CSMD3: variants seen among roughly 807,000 people sequenced by gnomAD.
CSMD3 encodes CUB and Sushi multiple domains 3, also known as CUB and sushi domain-containing protein 3.
In CSMD3, 177 loss-of-function variants were observed where a neutral mutation model predicts 435.2. The observed-to-expected ratio is 0.41, with a 90% CI of 0.36 to 0.46. The LOEUF (loss-of-function observed/expected upper bound fraction) is 0.46, where lower values mean the gene tolerates loss of function less well. Among genes scored for constraint, CSMD3 ranks in the 20% least tolerant of loss-of-function variants. CSMD3 has a pLI of 0.34. For synonymous variants in CSMD3, 1,656 were observed against 1,520.5 expected (o/e 1.09, Z -2.07); for missense variants, 4,265 against 4,504.6 (o/e 0.95, Z 1.52).
chr8:112,676,365 G>C (rs2075769708), intron 16 of CSMD3, among the ~76,000 whole-genome samples: 1 of 152,088 alleles, frequency 6.6e-6, no homozygotes, highest in Non-Finnish European at 1.5e-5. Flanking sequence ...AGATCACAGA[G>C]AGGAGGAGAA....
intron 10 of CSMD3, among the ~76,000 whole-genome samples, chr8:112,892,524 A>G (rs2081826794): frequency 6.6e-6 from 1 of 151,614 alleles, no homozygotes; most frequent in East Asian, 2.0e-4. Flanking sequence ...AAAAGGAAGA[A>G]TACAGGTAGT....
intron 4 of CSMD3, among the ~76,000 whole-genome samples, chr8:113,116,929 T>C (rs577206440): frequency 6.6e-6 from 1 of 152,184 alleles, no homozygotes. Context: ...AGAGAGATGA[T>C]TTAAGGTATC....
At chr8:113,397,006 T>A (rs960810674) in intron 1 of CSMD3, among the ~76,000 whole-genome samples, 3 of 152,134 alleles carry the variant, frequency 2.0e-5, no homozygotes, top group African/African-American at 7.2e-5. Flanking sequence ...TTGAAATATT[T>A]TGAAAGAATA....
At chr8:112,555,452 A>T (rs762072960) in intron 25 of CSMD3, among the ~76,000 whole-genome samples, 7 of 152,008 alleles carry the variant, frequency 4.6e-5, no homozygotes, top group Non-Finnish European at 1.0e-4. Context: ...AGAATTAGTC[A>T]GTGGTACATT....
intron 59 of CSMD3, among the ~76,000 whole-genome samples, chr8:112,270,697 T>C (rs933093060): frequency 1.3e-5 from 2 of 152,126 alleles, no homozygotes; most frequent in Non-Finnish European, 2.9e-5. Flanking sequence ...ACTTTGTTTT[T>C]AAAGGTTTTT....
rs1159795453 is a variant in CSMD3 at position 112,281,162 on chromosome 8, G to A, written c.9508+12C>T. Reference sequence around the variant, plus strand: ...ATAATTACTGATTTTTAAATATTGAGAATATACTTACTTGTACAGTTAGGT... The same window carrying A: ...ATAATTACTGATTTTTAAATATTGAAAATATACTTACTTGTACAGTTAGGT... On this transcript the variant is annotated intron_variant, in intron 59 of 70. Coordinates refer to ENST00000297405, the MANE Select transcript of CSMD3 (RefSeq NM_198123.2). 1.3e-6 allele frequency: 2 copies of A among 1,585,624 alleles called. No individual in the cohort carries two copies. The highest frequency in any genetic ancestry group is 8.7e-7 in the Non-Finnish European group (1 of 1,154,702).
intron 61 of CSMD3, among the ~76,000 whole-genome samples, chr8:112,258,606 T>C (rs1357612402): frequency 1.3e-5 from 2 of 152,050 alleles, no homozygotes; most frequent in Admixed American, 6.6e-5. Context: ...AGAATGGTGA[T>C]CATTAAAAAG....
chr8:112,887,780 C>T (rs367906824), intron 10 of CSMD3, among the ~76,000 whole-genome samples: 6 of 150,456 alleles, frequency 4.0e-5, no homozygotes, highest in Admixed American at 6.7e-5. Flanking sequence ...TTAGGATTGT[C>T]GTAAATTTTT....
Position 112,341,591 on chromosome 8 carries a change from G to A in CSMD3, c.6538C>T (p.Arg2180Trp), listed in dbSNP as rs747470179. ...GSSETSTVIGRLSGPQIPSSL... is the reference protein window; with the variant it reads ...GSSETSTVIGWLSGPQIPSSL... ...GATGGTATTTGAGGACCACTAAGCC[G>A]GCCAATAACAGTACTAGTTTCTGAG... Residue 2180 changes from arginine (R) to tryptophan (W), a missense_variant, in exon 42 of 71, where the codon CGG (arginine) becomes TGG (tryptophan). Coordinates refer to ENST00000297405, the MANE Select transcript of CSMD3 (RefSeq NM_198123.2). 2.5e-6 allele frequency: 4 copies of A among 1,612,374 alleles called. No homozygotes were observed. The highest frequency in any genetic ancestry group is 1.1e-5 in the South Asian group (1 of 91,044).
chr8:113,043,635 T>C (rs2087715740), intron 5 of CSMD3, among the ~76,000 whole-genome samples: 1 of 152,174 alleles, frequency 6.6e-6, no homozygotes, highest in Non-Finnish European at 1.5e-5. Flanking sequence ...TATGTTTCTT[T>C]GTAACTTAGA....
At chr8:112,982,088 A>G (rs558407151) in intron 6 of CSMD3, among the ~76,000 whole-genome samples, 18 of 151,798 alleles carry the variant, frequency 1.2e-4, no homozygotes, top group African/African-American at 4.3e-4. Context: ...CCAGTTGATT[A>G]AGAGAAATTT....
At chr8:113,067,879 A>G (rs1652971573) in intron 5 of CSMD3, among the ~76,000 whole-genome samples, 1 of 152,128 alleles carries the variant, frequency 6.6e-6, no homozygotes, top group Admixed American at 6.5e-5. Context: ...ACTCTCCCAT[A>G]GCATTATCCT....
chr8:112,874,921 A>G (rs149247158), intron 10 of CSMD3, among the ~76,000 whole-genome samples: 1,961 of 152,184 alleles, frequency 0.013, 52 homozygotes, highest in African/African-American at 0.044. Context: ...GTTTACATTT[A>G]AGGTTAATAT....
At chr8:113,274,095 A>G (rs1260047769) in intron 3 of CSMD3, among the ~76,000 whole-genome samples, 2 of 152,064 alleles carry the variant, frequency 1.3e-5, no homozygotes, top group Non-Finnish European at 2.9e-5. Flanking sequence ...ATTTCTAAAT[A>G]AAGCATAAAG....
At chr8:113,048,716 A>C (rs1332427564) in intron 5 of CSMD3, among the ~76,000 whole-genome samples, 9 of 152,182 alleles carry the variant, frequency 5.9e-5, no homozygotes, top group Admixed American at 5.9e-4. Context: ...TACAGTATTA[A>C]GATGACAGCA....
intron 1 of CSMD3, among the ~76,000 whole-genome samples, chr8:113,389,701 A>T (rs527576382): frequency 1.3e-5 from 2 of 151,854 alleles, no homozygotes; most frequent in East Asian, 3.9e-4. Context: ...TAGCTGTTTG[A>T]TCCTGGAAGA....
intron 22 of CSMD3, among the ~76,000 whole-genome samples, chr8:112,600,287 C>G (rs1182539493): frequency 6.6e-6 from 1 of 151,964 alleles, no homozygotes; most frequent in East Asian, 1.9e-4. Context: ...ATAAATGGCT[C>G]TTTATTTAAA....
At chr8:112,506,261 AG>A in intron 29 of CSMD3, among the ~76,000 whole-genome samples, 1 of 152,298 alleles carries the variant, frequency 6.6e-6, no homozygotes, top group South Asian at 2.1e-4. Flanking sequence ...TGTATATTTA[AG>A]CTTAACATTT....
intron 30 of CSMD3, among the ~76,000 whole-genome samples, chr8:112,496,159 C>T (rs920299106): frequency 2.0e-5 from 3 of 151,904 alleles, no homozygotes; most frequent in Non-Finnish European, 4.4e-5. Flanking sequence ...TTAGTAGAGA[C>T]GGGGTGTCAC....
Sources: allele counts gnomAD v4.1 joint callset (sites outside exome capture counted in the v4.1 genomes callset), GRCh38; gene constraint gnomAD v4.1.1; transcripts MANE v1.5; gene names NCBI Gene and HGNC (gene_info 2026-07-23, HGNC 2026-07-21).